The following SWI5 variants were observed in gnomAD, a reference collection of about 807,000 sequenced individuals.
The protein encoded by SWI5 is SWI5 homologous recombination repair protein.
SWI5 carries 12 observed loss-of-function variants against 17.0 expected under a neutral mutation model. The observed-to-expected ratio is 0.71, with a 90% CI of 0.45 to 1.14. The LOEUF (loss-of-function observed/expected upper bound fraction) is 1.14, where lower values mean the gene tolerates loss of function less well. SWI5 is among the 50% of genes most tolerant of loss of function. The probability of loss-of-function intolerance (pLI) is 0.00; values close to 1 mark genes in which losing one functional copy is unlikely to be tolerated. For synonymous variants in SWI5, 61 were observed against 64.0 expected (o/e 0.95, Z 0.22); for missense variants, 158 against 162.2 (o/e 0.97, Z 0.14).
intron 4 of SWI5, among the ~76,000 whole-genome samples, chr9:128,287,716 C>A (rs759063417): frequency 3.3e-5 from 5 of 151,808 alleles, no homozygotes; most frequent in Non-Finnish European, 7.4e-5. Flanking sequence ...CATCCACCAC[C>A]ACGCCCGGCT....
In SWI5 at chr9:128,285,945, C is replaced by T. The variant is rs780970947; in HGVS notation, c.240C>T (p.Tyr80=). 1 of 1,613,054 alleles carries T rather than the reference C, an allele frequency of 6.2e-7. No homozygotes were observed. Among genetic ancestry groups the T allele is most frequent in the South Asian group, 1.1e-5 (1 of 91,062 alleles). Residue 80 remains tyrosine, a synonymous_variant, in exon 4 of 5, where the codon TAC becomes TAT. Coordinates refer to ENST00000418976, the Ensembl canonical transcript of SWI5. This position sits in a 1 kb window ranked among gnomAD's most constrained non-coding sequence, Gnocchi z 4.8. ...TCTCCATCGCTTATCCCAGAGGCTA[C>T]AGTGTGGATGAACTGGAGGACCACA...
chr9:128,284,629 T>A (rs776453282), exon 3 of SWI5: 1 of 1,613,148 alleles, frequency 6.2e-7, no homozygotes, highest in South Asian at 1.1e-5. Context: ...AGTTCGTATC[T>A]GAGTAAGTTT....
At chr9:128,284,364 C>A in intron 2 of SWI5, 146 bp from the exon 3 acceptor site, 1 of 876,284 alleles carries the variant, frequency 1.1e-6, no homozygotes, top group Non-Finnish European at 1.7e-6. Context: ...ACATCTAATT[C>A]CAAGGAAGGC....
chr9:128,278,777 GT>G (rs199995498), intron 2 of SWI5: 24 of 418,666 alleles, frequency 5.7e-5, no homozygotes, highest in Middle Eastern at 3.6e-4. Context: ...GGTTTTTTTT[GT>G]TTTTTTTTAT....
At chr9:128,276,130 G>T, upstream of SWI5, 1 of 1,564,862 alleles carries the variant, frequency 6.4e-7, no homozygotes, top group Non-Finnish European at 8.7e-7. Context: ...AATATGAAGC[G>T]GAAGGGGGCG....
At chr9:128,276,834 A>C in intron 2 of SWI5, 79 bp downstream of exon 2, 1 of 1,414,218 alleles carries the variant, frequency 7.1e-7, no homozygotes, top group Non-Finnish European at 9.7e-7. Flanking sequence ...CCCCATCCCA[A>C]CAGCAGCCAA....
chr9:128,283,915 C>G (rs921339176), intron 2 of SWI5, among the ~76,000 whole-genome samples: 1 of 151,774 alleles, frequency 6.6e-6, no homozygotes, highest in Non-Finnish European at 1.5e-5. Flanking sequence ...ATCACCTAAG[C>G]CCAGGAGTTC....
At chr9:128,284,710 C>A (rs1831605370) in intron 3 of SWI5, 79 bp downstream of exon 3, 3 of 1,511,204 alleles carry the variant, frequency 2.0e-6, no homozygotes, top group Non-Finnish European at 2.7e-6. Flanking sequence ...AATCCCAGCA[C>A]TTTGGGAGGC....
At position 128,285,043 on chromosome 9, in the gene SWI5, A is replaced by T. The variant is rs1831612929; in HGVS notation, c.233+412A>T. Among the ~76,000 whole-genome samples, 1 of 149,736 alleles carries T rather than the reference A, an allele frequency of 6.7e-6. No individual in the cohort carries two copies. The highest frequency in any genetic ancestry group is 2.5e-5 in the African/African-American group (1 of 40,372). Reference sequence around the variant, plus strand: ...AGTCGCACTGGCCTAGCATAGAAATACGACTGTGCGCTACTCAGGAGGCTG... The same window carrying T: ...AGTCGCACTGGCCTAGCATAGAAATTCGACTGTGCGCTACTCAGGAGGCTG... On this transcript the variant is annotated intron_variant, in intron 3 of 4. Transcript: ENST00000418976. This position sits in a 1 kb window ranked among gnomAD's most constrained non-coding sequence, Gnocchi z 4.8.
chr9:128,276,684 T>A lies in SWI5; in HGVS notation c.63-23T>A. The A allele has an allele frequency of 6.2e-7, 1 of 1,613,908 alleles. No homozygotes were observed. Among genetic ancestry groups the A allele is most frequent in the Non-Finnish European group, 8.5e-7 (1 of 1,179,954 alleles). Reference sequence around the variant, plus strand: ...CAGCGGGCTGTGGGTCCAATCAGACTTTCCCCTCGGATTCCTCTCTAGGAC... The same window carrying A: ...CAGCGGGCTGTGGGTCCAATCAGACATTCCCCTCGGATTCCTCTCTAGGAC... On this transcript the variant is annotated intron_variant, in intron 1 of 4. Transcript: ENST00000418976.
exon 5 of SWI5, chr9:128,288,698 G>A (rs766123993): frequency 6.2e-7 from 1 of 1,614,190 alleles, no homozygotes; most frequent in South Asian, 1.1e-5. Context: ...CAGAGTTTGG[G>A]CTGGACATGA....
intron 2 of SWI5, among the ~76,000 whole-genome samples, chr9:128,280,682 T>C (rs1831521248): frequency 6.6e-6 from 1 of 152,054 alleles, no homozygotes; most frequent in Non-Finnish European, 1.5e-5. Context: ...CACGCCCAGC[T>C]AATTTTTTGT....
chr9:128,285,653 C>T lies in SWI5; in HGVS notation c.234-286C>T, dbSNP rs1490215526. On this transcript the variant is annotated intron_variant, in intron 3 of 4. Transcript: ENST00000418976. The surrounding 1 kb of genome is among the most constrained non-coding windows in gnomAD (Gnocchi z 4.8). ...AATCCACCTGGCTGTTTGGATCATG[C>T]GCCCATCTGCGAGTCCCTCAGCTGT... 2.6e-5 allele frequency among the ~76,000 whole-genome samples: 4 copies of T among 152,194 alleles called. No individual in the cohort carries two copies. The highest frequency in any genetic ancestry group is 1.9e-4 in the East Asian group (1 of 5,196).
At chr9:128,276,516 C>G in intron 1 of SWI5, 114 bp downstream of exon 1, 1 of 1,569,782 alleles carries the variant, frequency 6.4e-7, no homozygotes, top group Non-Finnish European at 8.7e-7. Context: ...CCAGACAACC[C>G]CCGTCTCAGA....
exon 3 of SWI5, chr9:128,284,516 T>A: frequency 1.9e-6 from 3 of 1,613,282 alleles, no homozygotes; most frequent in Non-Finnish European, 2.5e-6. Flanking sequence ...TCAGAGGCCA[T>A]TGCCCAAGTC....
chr9:128,286,207 C>T (rs1010712269), intron 4 of SWI5, 174 bp downstream of exon 4: 20 of 577,892 alleles, frequency 3.5e-5, no homozygotes, highest in Admixed American at 2.4e-4. Context: ...TCTCCCTGGC[C>T]ACCTAGGTTT....
chr9:128,284,452 T>C (rs1378902517), intron 2 of SWI5, 58 bp from the exon 3 acceptor site: 1 of 1,586,460 alleles, frequency 6.3e-7, no homozygotes, highest in East Asian at 2.3e-5. Flanking sequence ...GGGGGACATG[T>C]AGGCTGTGAA....
chr9:128,275,754 A>T, upstream of SWI5: 1 of 589,014 alleles, frequency 1.7e-6, no homozygotes, highest in Admixed American at 3.7e-5. Context: ...GGCTGACAAG[A>T]CTTTGGTGGA....
chr9:128,286,235 C>A, intron 4 of SWI5: 1 of 540,622 alleles, frequency 1.8e-6, no homozygotes, highest in Non-Finnish European at 3.3e-6. Context: ...AAGTACAGAA[C>A]CTGCTTTGGA....
Sources: allele counts gnomAD v4.1 joint callset (sites outside exome capture counted in the v4.1 genomes callset), GRCh38; gene constraint gnomAD v4.1.1; non-coding constraint Gnocchi (gnomAD v3.1); transcripts MANE v1.5; gene names NCBI Gene and HGNC (gene_info 2026-07-23, HGNC 2026-07-21).